The following UBR2 variants were observed in gnomAD, a reference collection of about 807,000 sequenced individuals.
UBR2 encodes the protein E3 ubiquitin-protein ligase UBR2.
In UBR2, 92 loss-of-function variants were observed where a neutral mutation model predicts 247.9. The observed-to-expected ratio is 0.37, with a 90% CI of 0.31 to 0.44. The LOEUF (loss-of-function observed/expected upper bound fraction) is 0.44, where lower values mean the gene tolerates loss of function less well. UBR2 is among the 20% of genes least tolerant of loss of function. The probability of loss-of-function intolerance (pLI) is 1.00; values close to 1 mark genes in which losing one functional copy is unlikely to be tolerated. For missense variants in UBR2, 1,613 were observed against 2,112.6 expected, an observed-to-expected ratio of 0.76 and a Z score of 4.64; for synonymous variants, 672 against 693.5, an observed-to-expected ratio of 0.97 and a Z score of 0.49.
In UBR2 at chr6:42,692,276, C is replaced by A. The variant is rs540596841; in HGVS notation, c.*1103C>A. The A allele has an allele frequency of 7.9e-5, 12 of 152,248 alleles. No homozygotes were observed. The South Asian group carries it at 2.5e-3, about 32-fold the overall frequency. 9.4% of individuals were successfully genotyped at this position (152,248 alleles called of 1,614,324 possible). On this transcript the variant is annotated 3_prime_UTR_variant, in exon 47 of 47. Coordinates refer to ENST00000372901, the MANE Select transcript of UBR2 (RefSeq NM_001363705.2). Reference sequence around the variant, plus strand: ...AGCCAAACACTGAAGAAGGTGAGAACCCACTCCCACCCAGCCAGCATTTCC... The same window carrying A: ...AGCCAAACACTGAAGAAGGTGAGAAACCACTCCCACCCAGCCAGCATTTCC...
chr6:42,576,522 CTTTTTTTTTTT>C (rs58739895), intron 2 of UBR2, among the ~76,000 whole-genome samples: 1 of 86,134 alleles, frequency 1.2e-5, no homozygotes, highest in Non-Finnish European at 2.2e-5. Context: ...GCCTTTCCCT[CTTTTTTTTTTT>C]TTTTTTTTTT....
intron 10 of UBR2, 118 bp from the exon 11 acceptor site, chr6:42,617,291 G>C: frequency 6.2e-7 from 1 of 1,614,154 alleles, no homozygotes; most frequent in Non-Finnish European, 8.5e-7. Flanking sequence ...CGAGCGAGCA[G>C]TGTCGGTGAC....
Position 42,678,678 on chromosome 6 carries a change from T to C in UBR2, c.4609+9T>C, listed in dbSNP as rs754492170. On this transcript the variant is annotated intron_variant, in intron 41 of 46. Transcript: ENST00000372901. The stretch of plus-strand genomic sequence containing the variant: ...CCCACCCGACATTCAAGGTAATTTA[T>C]ACTTTCTTTCAAAACGTAGGGAGAG... 4.4e-6 allele frequency: 7 copies of C among 1,605,876 alleles called. No individual in the cohort carries two copies. The South Asian group carries it at 6.8e-5, about 16-fold the overall frequency.
At chr6:42,581,951 CAT>C (rs551540366) in intron 2 of UBR2, among the ~76,000 whole-genome samples, 144 of 152,202 alleles carry the variant, frequency 9.5e-4, no homozygotes, top group African/African-American at 2.4e-3. Flanking sequence ...TACCAAATAA[CAT>C]AAATTTTGCA....
At chr6:42,667,432 A>G (rs1037781794) in intron 34 of UBR2, among the ~76,000 whole-genome samples, 4 of 151,414 alleles carry the variant, frequency 2.6e-5, no homozygotes, top group Admixed American at 6.6e-5. Flanking sequence ...GTTTACTTCC[A>G]TATTTCTAAT....
At position 42,659,575 on chromosome 6, in the gene UBR2, C is replaced by T. The variant is rs917041868; in HGVS notation, c.3243-81C>T. 22 of 1,118,644 alleles carry T rather than the reference C, an allele frequency of 2.0e-5. No individual in the cohort carries two copies. In the African/African-American group the frequency reaches 3.0e-4, roughly 15 times the overall value. The allele number at this position is 1,118,644 out of a possible 1,614,324, so 69.3% of individuals were successfully genotyped here. On this transcript the variant is annotated intron_variant, in intron 29 of 46. Coordinates refer to ENST00000372901, the MANE Select transcript of UBR2 (RefSeq NM_001363705.2). The surrounding 1 kb of genome is among the most constrained non-coding windows in gnomAD (Gnocchi z 4.3). ...CACACACACACACTACACACACACA[C>T]ACATACCTGTAGTCTGCTATTTTGT...
intron 34 of UBR2, among the ~76,000 whole-genome samples, chr6:42,667,587 C>CTTTTTTTTTTTTT (rs1161068427): frequency 1.1e-4 from 5 of 47,424 alleles, no homozygotes; most frequent in Non-Finnish European, 1.4e-4. Flanking sequence ...ACAGTTTTGT[C>CTTTTTTTTTTTTT]TTTTTTTTTT....
Position 42,665,481 on chromosome 6 carries a change from A to T in UBR2, c.3771A>T (p.Leu1257Phe). The part of the protein sequence containing the change: ...IRTISQQIKA[L>F]QFLRKEESTP... ...CAATATCTCAGCAAATAAAAGCATT[A>T]CAGTTTCTTAGGAAAGAAGAAAGTA... The change falls in exon 33 of 47, where the codon TTA (leucine) becomes TTT (phenylalanine). Residue 1257 changes from leucine (L) to phenylalanine (F), a missense_variant. Physicochemically the swap from Leu to Phe is conservative, Grantham distance 22 (BLOSUM62 0). Coordinates refer to ENST00000372901, the MANE Select transcript of UBR2 (RefSeq NM_001363705.2). The T allele has an allele frequency of 6.2e-7, 1 of 1,612,968 alleles. No homozygotes were observed. Among genetic ancestry groups the T allele is most frequent in the Non-Finnish European group, 8.5e-7 (1 of 1,179,422 alleles).
At chr6:42,639,600 T>C (rs919510377) in intron 15 of UBR2, among the ~76,000 whole-genome samples, 8 of 152,100 alleles carry the variant, frequency 5.3e-5, no homozygotes, top group Non-Finnish European at 4.4e-5. Context: ...CCAAAAGTTC[T>C]GGGGAACTTA....
At chr6:42,575,686 ATG>A (rs1791460155) in intron 2 of UBR2, among the ~76,000 whole-genome samples, 2 of 152,180 alleles carry the variant, frequency 1.3e-5, no homozygotes, top group South Asian at 4.1e-4. Flanking sequence ...CACAGAAATC[ATG>A]TGTTTTAACC....
chr6:42,669,961 C>G, intron 34 of UBR2, 131 bp from the exon 35 acceptor site: 1 of 1,131,372 alleles, frequency 8.8e-7, no homozygotes, highest in Non-Finnish European at 1.2e-6. Context: ...TCTCTGATCA[C>G]TGCATACAAT....
intron 3 of UBR2, 96 bp downstream of exon 3, chr6:42,592,325 G>T (rs1029468681): frequency 1.0e-6 from 1 of 1,003,200 alleles, no homozygotes; most frequent in Non-Finnish European, 1.4e-6. Flanking sequence ...ACACTAAAAT[G>T]GGGGGAGGGT....
intron 3 of UBR2, 119 bp downstream of exon 3, chr6:42,592,348 G>A: frequency 1.4e-6 from 1 of 727,904 alleles, no homozygotes; most frequent in East Asian, 3.2e-5. Context: ...TTTAAACAGT[G>A]TGTTTATTTA....
intron 11 of UBR2, among the ~76,000 whole-genome samples, chr6:42,625,403 C>CT (rs1239194599): frequency 6.6e-6 from 1 of 151,288 alleles, no homozygotes; most frequent in Non-Finnish European, 1.5e-5. Flanking sequence ...TTTTGTAATC[C>CT]TTTTTTAAAT....
chr6:42,597,013 C>T (rs1036577079), intron 4 of UBR2, among the ~76,000 whole-genome samples: 2 of 152,110 alleles, frequency 1.3e-5, no homozygotes, highest in Non-Finnish European at 2.9e-5. Context: ...GGAAAAGATA[C>T]TTTAGGACTT....
chr6:42,673,342 G>C (rs1449534352), intron 36 of UBR2, among the ~76,000 whole-genome samples: 2 of 152,166 alleles, frequency 1.3e-5, no homozygotes, highest in Non-Finnish European at 1.5e-5. Flanking sequence ...TGTTTTTTGA[G>C]ATAGAGTCTC....
chr6:42,658,462 G>A, intron 28 of UBR2, 142 bp downstream of exon 28: 1 of 1,114,104 alleles, frequency 9.0e-7, no homozygotes, highest in Non-Finnish European at 1.2e-6. Context: ...TCTATTTGTT[G>A]TAGCAATTTT....
chr6:42,677,268 G>A (rs932592426), intron 40 of UBR2, among the ~76,000 whole-genome samples: 1 of 152,114 alleles, frequency 6.6e-6, no homozygotes, highest in African/African-American at 2.4e-5. Context: ...AGTAGTAGCA[G>A]GAATAAAATG....
At chr6:42,614,415 C>CGTACATACATAGGTATATATGTAT (rs1554250447) in intron 8 of UBR2, among the ~76,000 whole-genome samples, 1 of 89,184 alleles carries the variant, frequency 1.1e-5, no homozygotes, top group Non-Finnish European at 2.2e-5. Context: ...TATGTATGTA[C>CGTACATACATAGGTATATATGTAT]GTACGTACAT....
Sources: gnomAD v4.1 joint callset for allele counts (sites outside exome capture counted in the v4.1 genomes callset) on GRCh38, gnomAD v4.1.1 for gene constraint, Gnocchi (gnomAD v3.1) non-coding constraint, MANE v1.5 for transcripts, NCBI Gene and HGNC (gene_info 2026-07-23, HGNC 2026-07-21) for gene names.